LGR5: variants seen among roughly 807,000 people sequenced by gnomAD.
LGR5 encodes leucine rich repeat containing G protein-coupled receptor 5.
A neutral mutation model predicts 76.7 loss-of-function variants in LGR5; 54 were observed. The ratio of observed to expected loss-of-function variants is 0.70; its 90% CI spans 0.57 to 0.88. The LOEUF (loss-of-function observed/expected upper bound fraction) is 0.88, where lower values mean the gene tolerates loss of function less well. Among genes scored for constraint, LGR5 ranks in the 40% least tolerant of loss-of-function variants. The pLI is 0.00. For synonymous variants in LGR5, 406 were observed against 421.9 expected (o/e 0.96, Z 0.46); for missense variants, 1,078 against 1,073.3 (o/e 1.00, Z -0.06).
chr12:71,558,917 A>G (rs746150317), intron 6 of LGR5, among the ~76,000 whole-genome samples: 7 of 152,320 alleles, frequency 4.6e-5, no homozygotes, highest in African/African-American at 9.6e-5. Context: ...TGACCACTTC[A>G]TCTCTGGCCT....
At chr12:71,517,879 T>C (rs1875522311) in intron 2 of LGR5, among the ~76,000 whole-genome samples, 1 of 151,442 alleles carries the variant, frequency 6.6e-6, no homozygotes, top group Non-Finnish European at 1.5e-5. Flanking sequence ...TAACCATAAG[T>C]ATAAAACGTT....
chr12:71,446,413 C>A (rs1469692025), intron 1 of LGR5, among the ~76,000 whole-genome samples: 2 of 152,158 alleles, frequency 1.3e-5, no homozygotes, highest in Non-Finnish European at 2.9e-5. Context: ...AAGTGTTCGG[C>A]ACTAAATACT....
chr12:71,464,603 T>G (rs1031379138), intron 1 of LGR5, among the ~76,000 whole-genome samples: 1 of 152,130 alleles, frequency 6.6e-6, no homozygotes, highest in Non-Finnish European at 1.5e-5. Flanking sequence ...AAATCAGAAT[T>G]ATATCACATA....
At chr12:71,582,597 T>C (rs1879140924) in intron 17 of LGR5, 58 bp downstream of exon 17, 5 of 1,302,118 alleles carry the variant, frequency 3.8e-6, no homozygotes, top group Non-Finnish European at 5.6e-6. Flanking sequence ...TCTGAGTCCA[T>C]GAAAAACAAT....
chr12:71,513,462 G>A (rs1286761440), intron 2 of LGR5, among the ~76,000 whole-genome samples: 1 of 152,168 alleles, frequency 6.6e-6, no homozygotes, highest in Non-Finnish European at 1.5e-5. Flanking sequence ...TTTAACCAGA[G>A]TAATAATTAA....
chr12:71,473,938 C>G (rs1873209392), intron 1 of LGR5, among the ~76,000 whole-genome samples: 1 of 152,068 alleles, frequency 6.6e-6, no homozygotes, highest in South Asian at 2.1e-4. Context: ...CAACTTCAGC[C>G]TCTTAAAACA....
chr12:71,478,969 G>A (rs1272783589), intron 1 of LGR5, among the ~76,000 whole-genome samples: 3 of 152,118 alleles, frequency 2.0e-5, no homozygotes, highest in African/African-American at 7.2e-5. Context: ...ATTTCACGAA[G>A]GACATTTTCA....
At position 71,566,902 on chromosome 12, in the gene LGR5, C is replaced by A; in HGVS notation, c.1060C>A (p.Leu354Ile). The change falls in exon 11 of 18, where the codon CTC becomes ATC. Residue 354 changes from leucine (L) to isoleucine (I), a missense_variant. By Grantham distance (5) the Leu-to-Ile change is conservative. Coordinates refer to ENST00000266674, the MANE Select transcript of LGR5 (RefSeq NM_003667.4). ...AACCGTCTGCAATCAGTTACCTAATCTCCAAGTGCTGTGCGTATCAGTAAG... is the reference window on the plus strand; with the variant it reads ...AACCGTCTGCAATCAGTTACCTAATATCCAAGTGCTGTGCGTATCAGTAAG... ...PQTVCNQLPN[L>I]QVLDLSYNLL... The A allele has an allele frequency of 6.2e-7, 1 of 1,612,268 alleles. No individual in the cohort carries two copies. Among genetic ancestry groups the A allele is most frequent in the Non-Finnish European group, 8.5e-7 (1 of 1,178,308 alleles).
chr12:71,563,936 A>G (rs113800097), intron 8 of LGR5, among the ~76,000 whole-genome samples: 3,339 of 134,742 alleles, frequency 0.025, 260 homozygotes, highest in African/African-American at 0.1. Context: ...ATGTACACAC[A>G]CACCGTGTAT....
At chr12:71,445,011 T>A (rs989397297) in intron 1 of LGR5, among the ~76,000 whole-genome samples, 1 of 152,222 alleles carries the variant, frequency 6.6e-6, no homozygotes, top group African/African-American at 2.4e-5. Context: ...TAAGTATGTT[T>A]CTGAATGATC....
chr12:71,582,766 C>T (rs80351347), intron 17 of LGR5, among the ~76,000 whole-genome samples: 2,473 of 151,872 alleles, frequency 0.016, 40 homozygotes, highest in African/African-American at 0.038. Flanking sequence ...TTAATGTAAA[C>T]GAAAGAATCA....
intron 17 of LGR5, 197 bp from the exon 18 acceptor site, chr12:71,583,450 C>T: frequency 1.7e-6 from 1 of 602,710 alleles, no homozygotes; most frequent in East Asian, 2.7e-5. Context: ...ACCGGGTGTA[C>T]TCACCCAGCC....
At chr12:71,524,550 C>A in intron 3 of LGR5, 73 bp downstream of exon 3, 1 of 1,019,464 alleles carries the variant, frequency 9.8e-7, no homozygotes, top group Non-Finnish European at 1.6e-6. Context: ...CTTGTAAAAG[C>A]TGAGTGTCTC....
intron 1 of LGR5, among the ~76,000 whole-genome samples, chr12:71,485,783 T>C (rs958537358): frequency 1.3e-5 from 2 of 151,814 alleles, no homozygotes; most frequent in African/African-American, 4.8e-5. Context: ...TTTTTTTTTT[T>C]TGAGAGGAAG....
intron 8 of LGR5, among the ~76,000 whole-genome samples, chr12:71,562,606 A>G (rs1431082253): frequency 1.3e-5 from 2 of 152,228 alleles, no homozygotes; most frequent in Non-Finnish European, 2.9e-5. Flanking sequence ...ACTACAAAGT[A>G]TAACTAATTT....
intron 4 of LGR5, among the ~76,000 whole-genome samples, chr12:71,541,211 T>A (rs1328601700): frequency 6.6e-6 from 1 of 152,156 alleles, no homozygotes; most frequent in Non-Finnish European, 1.5e-5. Context: ...CTACATAATG[T>A]TTACAAGAAG....
chr12:71,532,124 C>T (rs542118387), intron 3 of LGR5, among the ~76,000 whole-genome samples: 21 of 152,192 alleles, frequency 1.4e-4, no homozygotes, highest in African/African-American at 4.8e-4. Flanking sequence ...AAAGTTTAGA[C>T]ATCAATTAAT....
At chr12:71,462,581 C>T (rs1469630368) in intron 1 of LGR5, among the ~76,000 whole-genome samples, 1 of 152,154 alleles carries the variant, frequency 6.6e-6, no homozygotes, top group Non-Finnish European at 1.5e-5. Flanking sequence ...CAACTACAGT[C>T]TCCTCATCAA....
chr12:71,505,426 T>A (rs969676938), intron 2 of LGR5, among the ~76,000 whole-genome samples: 10 of 152,210 alleles, frequency 6.6e-5, no homozygotes, highest in African/African-American at 2.4e-4. Context: ...AAGGAGGTGA[T>A]ACCCCATCAC....
Sources: allele counts gnomAD v4.1 joint callset (sites outside exome capture counted in the v4.1 genomes callset), GRCh38; gene constraint gnomAD v4.1.1; transcripts MANE v1.5; gene names NCBI Gene and HGNC (gene_info 2026-07-23, HGNC 2026-07-21).